The following SGSM1 variants were observed in gnomAD, a reference collection of about 807,000 sequenced individuals.
The protein encoded by SGSM1 is RUN and TBC1 domain containing 2.
SGSM1 carries 73 observed loss-of-function variants against 133.8 expected under a neutral mutation model. The ratio of observed to expected loss-of-function variants is 0.55; its 90% CI spans 0.45 to 0.66. The LOEUF (loss-of-function observed/expected upper bound fraction) is 0.66, where lower values mean the gene tolerates loss of function less well. Ranked by LOEUF, SGSM1 falls within the 30% of genes least tolerant of loss-of-function variation. The pLI is 0.00. For synonymous variants in SGSM1, 563 were observed against 573.0 expected, an observed-to-expected ratio of 0.98 and a Z score of 0.25; for missense variants, 1,213 against 1,448.1, an observed-to-expected ratio of 0.84 and a Z score of 2.64.
chr22:24,921,923 A>T (rs1232655704), intron 24 of SGSM1, among the ~76,000 whole-genome samples: 1 of 151,796 alleles, frequency 6.6e-6, no homozygotes, highest in Admixed American at 6.6e-5. Flanking sequence ...CTGGTCTCAG[A>T]CTCCCAACCT....
At chr22:24,841,135 C>G (rs1422790862) in intron 2 of SGSM1, among the ~76,000 whole-genome samples, 3 of 152,208 alleles carry the variant, frequency 2.0e-5, no homozygotes, top group East Asian at 1.9e-4. Flanking sequence ...CAGGCGTGAG[C>G]CACCGTGCCC....
At chr22:24,837,588 C>CTCCCG (rs1315780730) in intron 2 of SGSM1, among the ~76,000 whole-genome samples, 4 of 139,194 alleles carry the variant, frequency 2.9e-5, no homozygotes, top group Non-Finnish European at 4.5e-5. Flanking sequence ...ACCCCCCCCC[C>CTCCCG]CCCTTTCCCA....
At chr22:24,855,115 AG>A in intron 6 of SGSM1, 52 bp downstream of exon 6, 1 of 1,584,012 alleles carries the variant, frequency 6.3e-7, no homozygotes, top group Non-Finnish European at 8.6e-7. Flanking sequence ...CTTGAGTCTG[AG>A]GGGCACCTTC....
At chr22:24,867,694 A>C (rs1375928163) in intron 10 of SGSM1, among the ~76,000 whole-genome samples, 1 of 152,218 alleles carries the variant, frequency 6.6e-6, no homozygotes, top group Non-Finnish European at 1.5e-5. Flanking sequence ...AGAAGAAAGT[A>C]CAGTCAGAGT....
At position 24,879,458 on chromosome 22, in the gene SGSM1, G is replaced by C. The variant is rs1383691137; in HGVS notation, c.1431-4G>C. On this transcript the variant is annotated splice_region_variant and splice_polypyrimidine_tract_variant and intron_variant, in intron 13 of 24. Transcript: ENST00000400358. ...TAAGCATCTCCCTCTTTCTCCACCT[G>C]CAGGGCTCCCCTGAAACTTCTCTGT... 2 of 1,613,426 alleles carry C rather than the reference G, an allele frequency of 1.2e-6. No homozygotes were observed. The highest frequency in any genetic ancestry group is 1.7e-5 in the Admixed American group (1 of 59,944).
chr22:24,832,180 A>G (rs969630827), intron 2 of SGSM1, among the ~76,000 whole-genome samples: 2 of 152,216 alleles, frequency 1.3e-5, no homozygotes, highest in African/African-American at 4.8e-5. Context: ...GGCTTCCCTT[A>G]GAATCAGATT....
At chr22:24,850,163 T>C in intron 4 of SGSM1, 117 bp from the exon 5 acceptor site, 1 of 1,104,426 alleles carries the variant, frequency 9.1e-7, no homozygotes, top group Non-Finnish European at 1.3e-6. Flanking sequence ...GGGCTCTTCT[T>C]GTTTAGCTGC....
At chr22:24,911,709 C>A (rs1248127319) in intron 21 of SGSM1, among the ~76,000 whole-genome samples, 1 of 152,154 alleles carries the variant, frequency 6.6e-6, no homozygotes, top group East Asian at 1.9e-4. Context: ...CAGATAAATT[C>A]CATTACTAAT....
chr22:24,876,546 A>T, intron 12 of SGSM1, 31 bp from the exon 13 acceptor site: 2 of 1,613,252 alleles, frequency 1.2e-6, no homozygotes, highest in Non-Finnish European at 1.7e-6. Context: ...AACCAGGGTG[A>T]TTCTTCTGCC....
intron 11 of SGSM1, 53 bp downstream of exon 11, chr22:24,868,592 G>A (rs1228189458): frequency 1.7e-5 from 28 of 1,612,402 alleles, no homozygotes; most frequent in South Asian, 1.1e-5. Context: ...GTCACAGAGG[G>A]TGGTTGTTTT....
chr22:24,898,800 G>T (rs1299520602), intron 19 of SGSM1, among the ~76,000 whole-genome samples: 1 of 151,918 alleles, frequency 6.6e-6, no homozygotes, highest in Non-Finnish European at 1.5e-5. Context: ...GGCTGAGGGG[G>T]GTGGATCACG....
At chr22:24,918,912 T>G (rs1173729924) in intron 23 of SGSM1, among the ~76,000 whole-genome samples, 2 of 151,896 alleles carry the variant, frequency 1.3e-5, no homozygotes, top group Non-Finnish European at 2.9e-5. Context: ...CTAATTATTT[T>G]GTATTTTTAG....
At chr22:24,891,148 C>T (rs181172524) in intron 16 of SGSM1, among the ~76,000 whole-genome samples, 1 of 152,240 alleles carries the variant, frequency 6.6e-6, no homozygotes, top group Non-Finnish European at 1.5e-5. Context: ...TGCTTGAGGC[C>T]AGGAGTTCAA....
At chr22:24,823,816 G>A (rs9608341) in intron 2 of SGSM1, among the ~76,000 whole-genome samples, 22,230 of 151,056 alleles carry the variant, frequency 0.15, 1,882 homozygotes, top group South Asian at 0.24. Flanking sequence ...AGGCTGAGGC[G>A]GGAGGATTGT....
intron 8 of SGSM1, 199 bp from the exon 9 acceptor site, chr22:24,859,507 AGAACCCATTT>A (rs1931000552): frequency 1.5e-6 from 1 of 659,098 alleles, no homozygotes; most frequent in Non-Finnish European, 2.7e-6. Flanking sequence ...TGGACGATGT[AGAACCCATTT>A]GGGAGGCTGG....
intron 2 of SGSM1, among the ~76,000 whole-genome samples, chr22:24,837,584 C>T (rs1404913569): frequency 1.8e-5 from 1 of 56,412 alleles, no homozygotes. Flanking sequence ...GGAGACCCCC[C>T]CCCCCCCTTT....
intron 24 of SGSM1, among the ~76,000 whole-genome samples, chr22:24,923,027 T>C (rs972322832): frequency 2.0e-5 from 3 of 151,742 alleles, no homozygotes; most frequent in African/African-American, 4.8e-5. Context: ...ACTCAGGAGG[T>C]TGGGATTAGA....
intron 9 of SGSM1, among the ~76,000 whole-genome samples, chr22:24,864,315 G>A (rs1931329010): frequency 6.6e-6 from 1 of 152,102 alleles, no homozygotes; most frequent in African/African-American, 2.4e-5. Context: ...TGCTCATAGG[G>A]ATCTACCCAA....
intron 12 of SGSM1, among the ~76,000 whole-genome samples, chr22:24,875,927 G>A (rs1485499843): frequency 1.3e-5 from 2 of 152,198 alleles, no homozygotes; most frequent in African/African-American, 4.8e-5. Flanking sequence ...TATCAAAATT[G>A]CTTTAGAAAT....
Sources: allele counts gnomAD v4.1 joint callset (sites outside exome capture counted in the v4.1 genomes callset), GRCh38; gene constraint gnomAD v4.1.1; transcripts MANE v1.5; gene names NCBI Gene and HGNC (gene_info 2026-07-23, HGNC 2026-07-21).